DLGAP3: variants seen among roughly 807,000 people sequenced by gnomAD.
The protein encoded by DLGAP3 is disks large-associated protein 3.
DLGAP3 carries 17 observed loss-of-function variants against 81.2 expected under a neutral mutation model. The ratio of observed to expected loss-of-function variants is 0.21; its 90% confidence interval spans 0.14 to 0.31. The LOEUF (loss-of-function observed/expected upper bound fraction) is 0.31. DLGAP3 is among the 10% of genes least tolerant of loss of function. The pLI, the probability that DLGAP3 is intolerant of heterozygous loss-of-function variation, is 1.00. For synonymous variants in DLGAP3, 577 were observed against 587.4 expected (o/e 0.98, Z 0.26); for missense variants, 1,124 against 1,388.0 (o/e 0.81, Z 3.02).
At position 34,873,905 on chromosome 1, in the gene DLGAP3, C is replaced by T. The variant is rs1037292558; in HGVS notation, c.2001-4816G>A. On this transcript the variant is annotated intron_variant, in intron 8 of 11. Coordinates refer to ENST00000373347, the MANE Select transcript of DLGAP3 (RefSeq NM_001080418.3). The surrounding 1 kb of genome is among the most constrained non-coding windows in gnomAD (Gnocchi z 4.2). The stretch of plus-strand genomic sequence containing the variant: ...GTCTTCCAAGATCCACTCTCCATTT[C>T]CCCCTTAGTAACAGAACCCCACCAT... Among the ~76,000 whole-genome samples, 6 of 152,126 alleles carry T rather than the reference C, an allele frequency of 3.9e-5. No individual in the cohort carries two copies. The highest frequency in any genetic ancestry group is 7.3e-5 in the Non-Finnish European group (5 of 68,030).
chr1:34,901,690 C>T (rs1569640122), intron 3 of DLGAP3, among the ~76,000 whole-genome samples: 1 of 152,154 alleles, frequency 6.6e-6, no homozygotes, highest in South Asian at 2.1e-4. Context: ...GAAGATAGCG[C>T]TCAAGAGATC....
intron 2 of DLGAP3, among the ~76,000 whole-genome samples, chr1:34,906,016 T>TTTTTTTTATATATA (rs60469155): frequency 1.5e-5 from 1 of 64,808 alleles, no homozygotes; most frequent in Admixed American, 1.5e-4. Flanking sequence ...GCCTCTAAAT[T>TTTTTTTTATATATA]TATATATATA....
chr1:34,892,297 A>G (rs994347732), intron 5 of DLGAP3, among the ~76,000 whole-genome samples: 17 of 152,218 alleles, frequency 1.1e-4, no homozygotes, highest in African/African-American at 3.9e-4. Context: ...AAATTATCCA[A>G]TATGAATAAT....
chr1:34,885,962 G>A (rs190193416), intron 6 of DLGAP3, 110 bp downstream of exon 6: 2 of 1,249,760 alleles, frequency 1.6e-6, no homozygotes, highest in Non-Finnish European at 2.2e-6. Context: ...ATCCGACCCC[G>A]GGAGCGAGCG....
At chr1:34,885,956 G>T in intron 6 of DLGAP3, 116 bp downstream of exon 6, 1 of 1,229,938 alleles carries the variant, frequency 8.1e-7, no homozygotes, top group Non-Finnish European at 1.1e-6. Flanking sequence ...CCCGTCATCC[G>T]ACCCCGGGAG....
intron 4 of DLGAP3, 21 bp from the exon 5 acceptor site, chr1:34,899,762 G>T: frequency 1.9e-6 from 3 of 1,611,716 alleles, no homozygotes; most frequent in East Asian, 2.2e-5. Context: ...GCAAAATTCC[G>T]GAGTCAGAAC....
At chr1:34,906,876 G>C (rs1227946418) in intron 2 of DLGAP3, among the ~76,000 whole-genome samples, 3 of 152,206 alleles carry the variant, frequency 2.0e-5, no homozygotes, top group Non-Finnish European at 4.4e-5. Flanking sequence ...CAGGACTCCA[G>C]GAGCTGCCAG....
At chr1:34,919,376 C>T (rs898567792) in intron 1 of DLGAP3, among the ~76,000 whole-genome samples, 1 of 152,206 alleles carries the variant, frequency 6.6e-6, no homozygotes, top group African/African-American at 2.4e-5. Flanking sequence ...TCCCCACATA[C>T]TATGCCTTAG....
Position 34,867,414 on chromosome 1 carries a change from C to T in DLGAP3, c.2577+122G>A, listed in dbSNP as rs982807144. Reference sequence around the variant, plus strand: ...CAAGACTCACAGCTACCCCAGAAGGCATGCAGGCCTGGTCTCACCTCTGGT... The same window carrying T: ...CAAGACTCACAGCTACCCCAGAAGGTATGCAGGCCTGGTCTCACCTCTGGT... On this transcript the variant is annotated intron_variant, in intron 10 of 11. Coordinates refer to ENST00000373347, the MANE Select transcript of DLGAP3 (RefSeq NM_001080418.3). The surrounding 1 kb of genome is among the most constrained non-coding windows in gnomAD (Gnocchi z 4.3). 8.5e-6 allele frequency: 9 copies of T among 1,063,952 alleles called. No homozygotes were observed. The highest frequency in any genetic ancestry group is 1.0e-5 in the Non-Finnish European group (7 of 682,354). 65.9% of individuals were successfully genotyped at this position (1,063,952 alleles called of 1,614,324 possible).
chr1:34,909,395 A>T (rs1435536634), intron 1 of DLGAP3, among the ~76,000 whole-genome samples: 1 of 152,206 alleles, frequency 6.6e-6, no homozygotes, highest in Non-Finnish European at 1.5e-5. Context: ...CTGAGACCAG[A>T]ACGTATGTGA....
chr1:34,896,854 A>G (rs1178724950), intron 5 of DLGAP3, among the ~76,000 whole-genome samples: 1 of 152,188 alleles, frequency 6.6e-6, no homozygotes, highest in African/African-American at 2.4e-5. Context: ...CAAGATAAAT[A>G]GAAGGCACAA....
In DLGAP3 at chr1:34,865,732, G is replaced by A. The variant is rs545566878; in HGVS notation, c.*351C>T. ...CAGCCCCGCGGGGTGGGGGAGGGGG[G>A]GACGCAGAGCCCAGATGAGGGACCC... On this transcript the variant is annotated 3_prime_UTR_variant, in exon 12 of 12. Coordinates refer to ENST00000373347, the MANE Select transcript of DLGAP3 (RefSeq NM_001080418.3). The A allele has an allele frequency of 1.7e-5, 6 of 345,776 alleles. No individual in the cohort carries two copies. In the East Asian group the frequency reaches 3.5e-4, roughly 20 times the overall value. The allele number at this position is 345,776 out of a possible 1,614,324, so 21.4% of individuals were successfully genotyped here.
rs753976419 is a variant in DLGAP3 at position 34,904,711 on chromosome 1, G to C, written c.673C>G (p.His225Asp). 6.2e-7 allele frequency: 1 copy of C among 1,613,258 alleles called. No homozygotes were observed. Among genetic ancestry groups the C allele is most frequent in the Non-Finnish European group, 8.5e-7 (1 of 1,180,034 alleles). The change falls in exon 3 of 12, where the codon CAC becomes GAC. Residue 225 changes from histidine to aspartate, a missense_variant. By Grantham distance (81) the His-to-Asp change is moderately conservative. Transcript: ENST00000373347. This position sits in a 1 kb window ranked among gnomAD's most constrained non-coding sequence, Gnocchi z 8.1. Reference sequence around the variant, plus strand: ...TGGTGGTGATGGTGGTGGTGATGGTGGTGATGGGAGGTGTGGGGGCCTCCA... The same window carrying C: ...TGGTGGTGATGGTGGTGGTGATGGTCGTGATGGGAGGTGTGGGGGCCTCCA... ...GSGGPHTSHHHHHHHHHHHHQ... is the reference protein window; with the variant it reads ...GSGGPHTSHHDHHHHHHHHHQ...
intron 2 of DLGAP3, among the ~76,000 whole-genome samples, chr1:34,907,026 C>G (rs148657980): frequency 4.6e-5 from 7 of 152,264 alleles, no homozygotes; most frequent in Non-Finnish European, 8.8e-5. Context: ...AGGCTCCAGA[C>G]AGCAACACCT....
chr1:34,878,943 G>A (rs1639101061), intron 8 of DLGAP3, among the ~76,000 whole-genome samples: 1 of 151,954 alleles, frequency 6.6e-6, no homozygotes. Context: ...ATGGTAGCAG[G>A]CACCTGTAGT....
At chr1:34,870,411 A>G (rs1458956435) in intron 8 of DLGAP3, among the ~76,000 whole-genome samples, 1 of 151,996 alleles carries the variant, frequency 6.6e-6, no homozygotes, top group Non-Finnish European at 1.5e-5. Flanking sequence ...GTCAGAAGGG[A>G]TTGTGGGCCC....
At chr1:34,921,057 G>A (rs537923650) in intron 1 of DLGAP3, among the ~76,000 whole-genome samples, 1 of 152,250 alleles carries the variant, frequency 6.6e-6, no homozygotes, top group South Asian at 2.1e-4. Flanking sequence ...CAGGCTGAGG[G>A]GAAAAGCAAG....
At chr1:34,887,642 A>G (rs1346625077) in intron 5 of DLGAP3, among the ~76,000 whole-genome samples, 1 of 152,206 alleles carries the variant, frequency 6.6e-6, no homozygotes, top group Non-Finnish European at 1.5e-5. Flanking sequence ...AGATGGGCAC[A>G]TGTTTAACCC....
In DLGAP3 at chr1:34,868,544, C is replaced by A; in HGVS notation, c.2485+61G>T. The A allele has an allele frequency of 6.9e-7, 1 of 1,451,618 alleles. No homozygotes were observed. The highest frequency in any genetic ancestry group is 9.6e-7 in the Non-Finnish European group (1 of 1,037,662). 89.9% of individuals were successfully genotyped at this position (1,451,618 alleles called of 1,614,324 possible). ...CAGCCCCAGCCACCCCCATCAGGGT[C>A]TCCTGAGCACACACGAGGCCATGGT... On this transcript the variant is annotated intron_variant, in intron 9 of 11. Coordinates refer to ENST00000373347, the MANE Select transcript of DLGAP3 (RefSeq NM_001080418.3). The surrounding 1 kb of genome is among the most constrained non-coding windows in gnomAD (Gnocchi z 7.5).
Sources: allele counts gnomAD v4.1 joint callset (sites outside exome capture counted in the v4.1 genomes callset), GRCh38; gene constraint gnomAD v4.1.1; non-coding constraint Gnocchi (gnomAD v3.1); transcripts MANE v1.5; gene names NCBI Gene and HGNC (gene_info 2026-07-23, HGNC 2026-07-21).